FHIT: variants seen among roughly 807,000 people sequenced by gnomAD.
FHIT encodes fragile histidine triad diadenosine triphosphatase.
Under a neutral mutation model 17.9 loss-of-function variants are expected in FHIT, and 19 were observed. The ratio of observed to expected loss-of-function variants is 1.06; its 90% CI spans 0.74 to 1.56. The LOEUF is 1.56. Ranked by LOEUF, FHIT falls within the 40% of genes most tolerant of loss-of-function variation. The pLI, the probability that FHIT is intolerant of heterozygous loss-of-function variation, is 0.00. For missense variants in FHIT, 248 were observed against 189.2 expected (o/e 1.31, Z -1.82); for synonymous variants, 81 against 69.7 (o/e 1.16, Z -0.81).
chr3:60,000,174 C>G (rs573211489), intron 7 of FHIT, among the ~76,000 whole-genome samples: 96 of 152,234 alleles, frequency 6.3e-4, no homozygotes, highest in African/African-American at 2.3e-3. Flanking sequence ...GATGGGACTC[C>G]GATCCTTTAG....
At chr3:60,989,053 G>A (rs1035120337) in intron 3 of FHIT, among the ~76,000 whole-genome samples, 1 of 150,226 alleles carries the variant, frequency 6.7e-6, no homozygotes, top group African/African-American at 2.4e-5. Flanking sequence ...CACCTATAGT[G>A]TTGGAAGGAA....
intron 2 of FHIT, among the ~76,000 whole-genome samples, chr3:61,049,059 G>A (rs1436733285): frequency 6.6e-6 from 1 of 151,618 alleles, no homozygotes; most frequent in African/African-American, 2.4e-5. Context: ...ACATCAACAT[G>A]GTACATGTAT....
At chr3:60,884,125 G>A (rs782229415) in intron 3 of FHIT, among the ~76,000 whole-genome samples, 14 of 152,084 alleles carry the variant, frequency 9.2e-5, no homozygotes, top group East Asian at 1.9e-4. Flanking sequence ...CTCAGCATCC[G>A]TAATCCTCAG....
intron 7 of FHIT, among the ~76,000 whole-genome samples, chr3:59,984,394 T>TG (rs202099394): frequency 0.066 from 9,123 of 138,828 alleles, 371 homozygotes; most frequent in Admixed American, 0.12. Flanking sequence ...TCAAATCCAC[T>TG]GGGGGGGGCT....
intron 2 of FHIT, among the ~76,000 whole-genome samples, chr3:61,145,218 T>C (rs1482125015): frequency 6.6e-6 from 1 of 152,144 alleles, no homozygotes; most frequent in African/African-American, 2.4e-5. Flanking sequence ...TTGTGTATGG[T>C]GTGAGGTACA....
chr3:60,427,677 C>T (rs1462155572), intron 5 of FHIT, among the ~76,000 whole-genome samples: 1 of 152,068 alleles, frequency 6.6e-6, no homozygotes, highest in African/African-American at 2.4e-5. Flanking sequence ...AGTGATTATG[C>T]CTAATTGAGT....
chr3:60,714,118 G>A (rs1345295911), intron 4 of FHIT, among the ~76,000 whole-genome samples: 1 of 152,118 alleles, frequency 6.6e-6, no homozygotes. Flanking sequence ...GGGATGCAAG[G>A]CTGGTTCAAT....
At chr3:61,157,501 C>G (rs576653263) in intron 2 of FHIT, among the ~76,000 whole-genome samples, 5 of 152,228 alleles carry the variant, frequency 3.3e-5, no homozygotes, top group African/African-American at 1.2e-4. Flanking sequence ...GAAAGTACCC[C>G]AGAGGAACCT....
intron 5 of FHIT, among the ~76,000 whole-genome samples, chr3:60,496,441 T>C (rs2034302651): frequency 6.6e-6 from 1 of 152,196 alleles, no homozygotes; most frequent in Non-Finnish European, 1.5e-5. Flanking sequence ...ATTAATCCAA[T>C]AATGTGGTAC....
chr3:60,610,690 TTAATAA>T (rs1381341858), intron 4 of FHIT, among the ~76,000 whole-genome samples: 1 of 152,170 alleles, frequency 6.6e-6, no homozygotes, highest in African/African-American at 2.4e-5. Flanking sequence ...CGAAAAAATA[TTAATAA>T]TATCAAAACA....
chr3:61,206,800 T>C (rs1289621530), intron 1 of FHIT, among the ~76,000 whole-genome samples: 2 of 152,168 alleles, frequency 1.3e-5, no homozygotes, highest in Non-Finnish European at 2.9e-5. Context: ...CCTAATTCAA[T>C]ACCCTTTATT....
At chr3:60,077,915 G>A (rs1308864689) in intron 5 of FHIT, among the ~76,000 whole-genome samples, 3 of 152,036 alleles carry the variant, frequency 2.0e-5, no homozygotes, top group Non-Finnish European at 4.4e-5. Flanking sequence ...TTTGCTTTAT[G>A]TAGTAACCAT....
chr3:59,763,086 C>T (rs1235920953), intron 8 of FHIT, among the ~76,000 whole-genome samples: 2 of 152,170 alleles, frequency 1.3e-5, no homozygotes, highest in Non-Finnish European at 1.5e-5. Context: ...CAAGACTGTT[C>T]TCCTTTAATC....
rs890656370 is a variant in FHIT, at chr3:60,434,645, T to C, written c.103+102215A>G. Among the ~76,000 whole-genome samples the C allele has an allele frequency of 2.6e-5, 4 of 152,246 alleles. 1 individual carries two copies. ...AAATTCAAACTGTCTTTTCAAACCA[T>C]TTTCTTAAATGTCTTGACAGACTGG... On this transcript the variant is annotated intron_variant, in intron 5 of 9. Coordinates refer to ENST00000492590, the MANE Select transcript of FHIT (RefSeq NM_002012.4).
chr3:60,269,396 A>G (rs972163829), intron 5 of FHIT, among the ~76,000 whole-genome samples: 1 of 152,164 alleles, frequency 6.6e-6, no homozygotes, highest in African/African-American at 2.4e-5. Context: ...CCAGAAGCTA[A>G]ACTGTCCTGG....
chr3:59,978,923 T>C (rs1276851860), intron 7 of FHIT, among the ~76,000 whole-genome samples: 3 of 151,896 alleles, frequency 2.0e-5, no homozygotes, highest in African/African-American at 7.2e-5. Context: ...ATGTGTCAAG[T>C]TTCCAAATTA....
At chr3:61,075,135 C>A (rs1407836717) in intron 2 of FHIT, among the ~76,000 whole-genome samples, 1 of 152,116 alleles carries the variant, frequency 6.6e-6, no homozygotes, top group Non-Finnish European at 1.5e-5. Context: ...GGCTAAACTC[C>A]TTTTGGGAAA....
chr3:60,595,374 CTT>C (rs34376484), intron 4 of FHIT, among the ~76,000 whole-genome samples: 2 of 145,052 alleles, frequency 1.4e-5, no homozygotes, highest in Non-Finnish European at 1.5e-5. Flanking sequence ...CCATGTTAGT[CTT>C]TTTTTTTTTT....
chr3:61,140,101 A>C (rs1442989815), intron 2 of FHIT, among the ~76,000 whole-genome samples: 1 of 152,044 alleles, frequency 6.6e-6, no homozygotes, highest in East Asian at 1.9e-4. Context: ...AGCCAGCCCT[A>C]GGTCAAGAAG....
Sources: allele counts gnomAD v4.1 joint callset (sites outside exome capture counted in the v4.1 genomes callset), GRCh38; gene constraint gnomAD v4.1.1; transcripts MANE v1.5; gene names NCBI Gene and HGNC (gene_info 2026-07-23, HGNC 2026-07-21).